The following CAMTA1 variants were observed in gnomAD, a reference collection of about 807,000 sequenced individuals.
CAMTA1 encodes the protein calmodulin-binding transcription activator 1.
In CAMTA1, 27 loss-of-function variants were observed where a neutral mutation model predicts 170.9. That is an observed-to-expected ratio of 0.16 (90% CI 0.12 to 0.22). The LOEUF (loss-of-function observed/expected upper bound fraction) is 0.22. CAMTA1 is among the 10% of genes least tolerant of loss of function. CAMTA1 has a pLI of 1.00. For missense variants in CAMTA1, 1,619 were observed against 2,217.2 expected (o/e 0.73, Z 5.42); for synonymous variants, 833 against 891.5 (o/e 0.93, Z 1.17).
At chr1:6,860,910 TCAAAAAAACAAAA>T (rs1664420597) in intron 3 of CAMTA1, among the ~76,000 whole-genome samples, 1 of 147,700 alleles carries the variant, frequency 6.8e-6, no homozygotes, top group South Asian at 2.2e-4. Context: ...AGACTCCATC[TCAAAAAAACAAAA>T]CAAAAAAACC....
intron 3 of CAMTA1, among the ~76,000 whole-genome samples, chr1:6,881,452 C>T (rs1333200993): frequency 2.0e-5 from 3 of 152,076 alleles, no homozygotes; most frequent in African/African-American, 7.2e-5. Flanking sequence ...AGCAAAGGCG[C>T]TGAGATAGAC....
chr1:7,635,564 G>A lies in CAMTA1; in HGVS notation c.511-4836G>A, dbSNP rs796393991. Among the ~76,000 whole-genome samples, 112 of 149,988 alleles carry A rather than the reference G, an allele frequency of 7.5e-4. No homozygotes were observed. The highest frequency in any genetic ancestry group is 2.6e-3 in the African/African-American group (105 of 40,448). The stretch of plus-strand genomic sequence containing the variant: ...GCGGAGGTTGCAGTGAGCCGAGATC[G>A]CGCCACTGCACTCCAGCCTGGGGGA... On this transcript the variant is annotated intron_variant, in intron 6 of 22. Transcript: ENST00000303635. This position sits in a 1 kb window ranked among gnomAD's most constrained non-coding sequence, Gnocchi z 4.4.
chr1:6,998,210 T>A (rs1309693659), intron 3 of CAMTA1, among the ~76,000 whole-genome samples: 1 of 152,148 alleles, frequency 6.6e-6, no homozygotes, highest in Non-Finnish European at 1.5e-5. Context: ...CCCGAGTAGC[T>A]GGGACTACAG....
intron 7 of CAMTA1, among the ~76,000 whole-genome samples, chr1:7,652,704 T>G (rs2095855681): frequency 6.6e-6 from 1 of 152,106 alleles, no homozygotes; most frequent in Non-Finnish European, 1.5e-5. Context: ...GGAAGTGAAG[T>G]GAGTCTTGCT....
In CAMTA1 at chr1:7,509,260, G is replaced by A. The variant is rs1022871017; in HGVS notation, c.510+41359G>A. 3.3e-5 allele frequency among the ~76,000 whole-genome samples: 5 copies of A among 152,264 alleles called. No homozygotes were observed. The South Asian group carries it at 6.2e-4, about 19-fold the overall frequency. ...TGTTACATCAAACCAAAGCCTGGGCGCCTTTTCTCTCTTTCACTTTATCCC... is the reference window on the plus strand; with the variant it reads ...TGTTACATCAAACCAAAGCCTGGGCACCTTTTCTCTCTTTCACTTTATCCC... On this transcript the variant is annotated intron_variant, in intron 6 of 22. Transcript: ENST00000303635.
At position 6,965,981 on chromosome 1, in the gene CAMTA1, C is replaced by A. The variant is rs1691452447; in HGVS notation, c.235-125323C>A. ...TCGCAGCAGCTTCCTAGGTCAAGAA[C>A]AAGCTAGGGCTTTGGGAGTGTGTGG... On this transcript the variant is annotated intron_variant, in intron 3 of 22. Transcript: ENST00000303635. This position sits in a 1 kb window ranked among gnomAD's most constrained non-coding sequence, Gnocchi z 4.1. Among the ~76,000 whole-genome samples, 1 of 151,946 alleles carries A rather than the reference C, an allele frequency of 6.6e-6. No homozygotes were observed. Among genetic ancestry groups the A allele is most frequent in the Non-Finnish European group, 1.5e-5 (1 of 67,996 alleles).
At chr1:7,488,613 CACAT>C (rs1268779533) in intron 6 of CAMTA1, among the ~76,000 whole-genome samples, 1 of 151,124 alleles carries the variant, frequency 6.6e-6, no homozygotes, top group Non-Finnish European at 1.5e-5. Flanking sequence ...ATACATGTAA[CACAT>C]ACACATACAA....
intron 7 of CAMTA1, among the ~76,000 whole-genome samples, chr1:7,646,520 T>C (rs1255147053): frequency 2.9e-5 from 3 of 102,352 alleles, no homozygotes; most frequent in African/African-American, 1.2e-4. Context: ...GGTGAGTGGT[T>C]GGAGGCCATG....
At chr1:7,097,405 C>T (rs1042293109) in intron 4 of CAMTA1, among the ~76,000 whole-genome samples, 1 of 152,170 alleles carries the variant, frequency 6.6e-6, no homozygotes, top group African/African-American at 2.4e-5. Context: ...CCTAGACAGC[C>T]CTTGGGGTCC....
chr1:6,894,669 C>T (rs1213886732), intron 3 of CAMTA1, among the ~76,000 whole-genome samples: 3 of 152,178 alleles, frequency 2.0e-5, no homozygotes, highest in African/African-American at 7.2e-5. Context: ...GTTTGACTTG[C>T]TTTGGTTTCT....
chr1:7,704,787 G>C (rs1449542785), intron 11 of CAMTA1, among the ~76,000 whole-genome samples: 1 of 147,666 alleles, frequency 6.8e-6, no homozygotes, highest in Non-Finnish European at 1.5e-5. Flanking sequence ...CTGAGCGGGC[G>C]CGGGGCCGGG....
At chr1:7,607,686 G>A (rs2095496961) in intron 6 of CAMTA1, among the ~76,000 whole-genome samples, 1 of 152,142 alleles carries the variant, frequency 6.6e-6, no homozygotes, top group African/African-American at 2.4e-5. Flanking sequence ...TGAGTAGGTG[G>A]GTTGACAGAT....
chr1:7,239,663 A>G (rs1664518330), intron 4 of CAMTA1, among the ~76,000 whole-genome samples: 1 of 129,622 alleles, frequency 7.7e-6, no homozygotes, highest in Non-Finnish European at 1.6e-5. Flanking sequence ...TTTTTTTTGC[A>G]GCAAAATGTA....
chr1:7,385,660 GC>G (rs1236451426), intron 5 of CAMTA1, among the ~76,000 whole-genome samples: 1 of 152,132 alleles, frequency 6.6e-6, no homozygotes, highest in Non-Finnish European at 1.5e-5. Flanking sequence ...GGCCAGGCCA[GC>G]CCCGAGGCCT....
At position 7,663,781 on chromosome 1, in the gene CAMTA1, A is replaced by G; in HGVS notation, c.1234A>G (p.Met412Val). Residue 412 changes from methionine (M) to valine (V), a missense_variant, in exon 9 of 23, where the codon ATG becomes GTG. Transcript: ENST00000303635. Reference sequence around the variant, plus strand: ...GGTCACCAATGAGGCCGTGTACACCATGTCCCCCACCGCTGGCCCCAACCA... The same window carrying G: ...GGTCACCAATGAGGCCGTGTACACCGTGTCCCCCACCGCTGGCCCCAACCA... ...SEVTNEAVYT[M>V]SPTAGPNHHL... 1 of 1,614,018 alleles carries G rather than the reference A, an allele frequency of 6.2e-7. No individual in the cohort carries two copies. The highest frequency in any genetic ancestry group is 2.2e-5 in the East Asian group (1 of 44,852).
chr1:6,830,569 C>G (rs1220991636), intron 3 of CAMTA1, among the ~76,000 whole-genome samples: 2 of 152,012 alleles, frequency 1.3e-5, no homozygotes, highest in Non-Finnish European at 2.9e-5. Context: ...TCTCCAACTC[C>G]CGACCTCAGG....
intron 3 of CAMTA1, among the ~76,000 whole-genome samples, chr1:7,017,566 T>C (rs529754371): frequency 2.0e-5 from 3 of 152,382 alleles, no homozygotes; most frequent in African/African-American, 7.2e-5. Flanking sequence ...ATGGAAACAC[T>C]GTCTGATGTC....
intron 4 of CAMTA1, among the ~76,000 whole-genome samples, chr1:7,174,378 A>G (rs1008246004): frequency 6.6e-6 from 1 of 151,966 alleles, no homozygotes; most frequent in Non-Finnish European, 1.5e-5. Context: ...AAACAGCCAC[A>G]ATGGAATTGT....
At chr1:7,213,003 C>G (rs960341927) in intron 4 of CAMTA1, among the ~76,000 whole-genome samples, 1 of 152,088 alleles carries the variant, frequency 6.6e-6, no homozygotes, top group African/African-American at 2.4e-5. Context: ...TTTGTTTAGC[C>G]CTTTATACAT....
Sources: gnomAD v4.1 joint callset for allele counts (sites outside exome capture counted in the v4.1 genomes callset) on GRCh38, gnomAD v4.1.1 for gene constraint, Gnocchi (gnomAD v3.1) non-coding constraint, MANE v1.5 for transcripts, NCBI Gene and HGNC (gene_info 2026-07-23, HGNC 2026-07-21) for gene names.